FRMD4A: variants seen among roughly 807,000 people sequenced by gnomAD.
FRMD4A encodes the protein FERM domain containing 4A, also known as FERM domain-containing protein 4A.
In FRMD4A, 29 loss-of-function variants were observed where a neutral mutation model predicts 129.1. The observed-to-expected ratio is 0.22, with a 90% CI of 0.17 to 0.31. The LOEUF (loss-of-function observed/expected upper bound fraction) is 0.31. Among genes scored for constraint, FRMD4A ranks in the 10% least tolerant of loss-of-function variants. The pLI is 1.00. For synonymous variants in FRMD4A, 634 were observed against 571.6 expected (o/e 1.11, Z -1.56); for missense variants, 1,272 against 1,375.8 (o/e 0.92, Z 1.19).
At chr10:14,190,514 C>G (rs1842285126) in intron 2 of FRMD4A, among the ~76,000 whole-genome samples, 1 of 152,080 alleles carries the variant, frequency 6.6e-6, no homozygotes, top group Non-Finnish European at 1.5e-5. Context: ...CTCTGCCTCC[C>G]AAGTATTTGA....
intron 2 of FRMD4A, among the ~76,000 whole-genome samples, chr10:13,895,288 T>C (rs1215430375): frequency 6.6e-6 from 1 of 152,212 alleles, no homozygotes; most frequent in Non-Finnish European, 1.5e-5. Context: ...CCTCTATGTG[T>C]CCATGTGTTC....
At chr10:13,799,224 C>G (rs1478485556) in intron 4 of FRMD4A, among the ~76,000 whole-genome samples, 1 of 152,162 alleles carries the variant, frequency 6.6e-6, no homozygotes, top group Admixed American at 6.5e-5. Flanking sequence ...GTGGTGTGAT[C>G]TAGTCTCATT....
intron 12 of FRMD4A, among the ~76,000 whole-genome samples, chr10:13,714,283 G>A (rs2088548678): frequency 6.6e-6 from 1 of 150,716 alleles, no homozygotes; most frequent in East Asian, 1.9e-4. Flanking sequence ...GGCTGGTCTC[G>A]AACTCCTGAC....
chr10:14,265,697 G>C (rs933423740), intron 2 of FRMD4A, among the ~76,000 whole-genome samples: 3 of 152,204 alleles, frequency 2.0e-5, no homozygotes, highest in Admixed American at 1.3e-4. Flanking sequence ...TAGAGGAATG[G>C]TTCTAGGTCA....
At chr10:14,267,864 T>C (rs1488737581) in intron 2 of FRMD4A, among the ~76,000 whole-genome samples, 1 of 152,216 alleles carries the variant, frequency 6.6e-6, no homozygotes, top group Admixed American at 6.5e-5. Context: ...AGGATTGTTT[T>C]ATAGGAAATA....
chr10:14,154,670 G>T (rs982790202), intron 2 of FRMD4A, among the ~76,000 whole-genome samples: 4 of 152,136 alleles, frequency 2.6e-5, no homozygotes, highest in African/African-American at 4.8e-5. Context: ...TGGCTGAAAT[G>T]AAATTGCAGT....
rs1160590949 is a variant in FRMD4A at position 13,986,066 on chromosome 10, G to A, written c.46-127154C>T. Among the ~76,000 whole-genome samples the A allele has an allele frequency of 2.6e-5, 4 of 152,166 alleles. No individual in the cohort carries two copies. In the East Asian group the frequency reaches 7.7e-4, roughly 29 times the overall value. On this transcript the variant is annotated intron_variant, in intron 2 of 24. Transcript: ENST00000357447. ...GCTGCTTGGATTCTGCACAATGACTGCAGGCTCCCTTCCACAGGCGTAGAC... is the reference window on the plus strand; with the variant it reads ...GCTGCTTGGATTCTGCACAATGACTACAGGCTCCCTTCCACAGGCGTAGAC...
chr10:13,957,013 A>G (rs1297647839), intron 2 of FRMD4A, among the ~76,000 whole-genome samples: 1 of 152,174 alleles, frequency 6.6e-6, no homozygotes, highest in East Asian at 1.9e-4. Flanking sequence ...GCTTGTCCAG[A>G]ACATTCTTGC....
chr10:13,908,686 T>C (rs1446649183), intron 2 of FRMD4A, among the ~76,000 whole-genome samples: 5 of 152,230 alleles, frequency 3.3e-5, no homozygotes, highest in African/African-American at 1.2e-4. Context: ...CAAGCTCCTC[T>C]TCCGGGAATT....
intron 2 of FRMD4A, among the ~76,000 whole-genome samples, chr10:14,110,970 A>C (rs1222829824): frequency 2.6e-5 from 4 of 152,198 alleles, no homozygotes; most frequent in Non-Finnish European, 5.9e-5. Context: ...CTGGGACTAA[A>C]GGCATGCTAA....
At chr10:13,750,115 A>AGAAAGAAAT (rs2091532563) in intron 8 of FRMD4A, among the ~76,000 whole-genome samples, 1 of 121,654 alleles carries the variant, frequency 8.2e-6, no homozygotes, top group Non-Finnish European at 1.8e-5. Flanking sequence ...AAATGAAGAA[A>AGAAAGAAAT]GAAAGAAAGA....
intron 2 of FRMD4A, among the ~76,000 whole-genome samples, chr10:13,951,174 G>T (rs549251424): frequency 1.3e-5 from 2 of 152,264 alleles, no homozygotes; most frequent in South Asian, 4.2e-4. Flanking sequence ...ATGGCAGTGG[G>T]TGTGACAACC....
intron 2 of FRMD4A, among the ~76,000 whole-genome samples, chr10:14,256,760 A>G (rs1394391859): frequency 6.6e-6 from 1 of 152,164 alleles, no homozygotes; most frequent in African/African-American, 2.4e-5. Context: ...AGGTATAAGG[A>G]TTGCTTGAGG....
At chr10:13,987,205 G>A (rs1053354800) in intron 2 of FRMD4A, among the ~76,000 whole-genome samples, 4 of 152,058 alleles carry the variant, frequency 2.6e-5, no homozygotes, top group African/African-American at 9.7e-5. Flanking sequence ...CGAAAGATCT[G>A]CCACTTTACC....
rs749818810 is a variant in FRMD4A, at chr10:13,656,982, C to T, written c.2607G>A (p.Thr869=). The T allele has an allele frequency of 1.9e-6, 3 of 1,552,006 alleles. No homozygotes were observed. Among genetic ancestry groups the T allele is most frequent in the Non-Finnish European group, 2.6e-6 (3 of 1,156,350 alleles). The change falls in exon 22 of 25, where the codon ACG becomes ACA. Residue 869 remains threonine (T), a synonymous_variant. Transcript: ENST00000357447. ...GHYSVKAQFK[T]SNSYTAGGLF... is the part of the protein sequence containing the mutation. Reference sequence around the variant, plus strand: ...GGCCGCCCGCCGTGTAGGAGTTGGACGTCTTGAACTGAGCCTTGACGCTGT... The same window carrying T: ...GGCCGCCCGCCGTGTAGGAGTTGGATGTCTTGAACTGAGCCTTGACGCTGT...
chr10:13,881,809 T>C (rs1174500204), intron 2 of FRMD4A, among the ~76,000 whole-genome samples: 1 of 151,210 alleles, frequency 6.6e-6, no homozygotes, highest in Non-Finnish European at 1.5e-5. Flanking sequence ...TTCTGGAGAA[T>C]AGAGGAGAGG....
chr10:13,940,494 G>C (rs10906547), intron 2 of FRMD4A, among the ~76,000 whole-genome samples: 14,694 of 152,150 alleles, frequency 0.097, 799 homozygotes, highest in Middle Eastern at 0.18. Context: ...GTTATTTCTT[G>C]TCCTATTAAA....
At chr10:13,741,847 A>G (rs1283485865) in intron 9 of FRMD4A, among the ~76,000 whole-genome samples, 1 of 152,020 alleles carries the variant, frequency 6.6e-6, no homozygotes, top group Non-Finnish European at 1.5e-5. Flanking sequence ...TCCTTTTTTG[A>G]AATCTTAGGT....
intron 2 of FRMD4A, among the ~76,000 whole-genome samples, chr10:14,142,266 A>G (rs899838520): frequency 5.3e-5 from 8 of 152,122 alleles, no homozygotes; most frequent in African/African-American, 1.9e-4. Flanking sequence ...TCATTTCTAT[A>G]CATGTTCTGG....
Sources: gnomAD v4.1 joint callset for allele counts (sites outside exome capture counted in the v4.1 genomes callset) on GRCh38, gnomAD v4.1.1 for gene constraint, MANE v1.5 for transcripts, NCBI Gene and HGNC (gene_info 2026-07-23, HGNC 2026-07-21) for gene names.